Variants in MANBA observed in about 807,000 individuals in gnomAD.
The protein encoded by MANBA is beta-mannosidase.
MANBA carries 83 observed loss-of-function variants against 111.1 expected under a neutral mutation model. The observed-to-expected ratio is 0.75, with a 90% confidence interval of 0.63 to 0.90. The LOEUF (loss-of-function observed/expected upper bound fraction) is 0.90, where lower values mean the gene tolerates loss of function less well. Among genes scored for constraint, MANBA ranks in the 40% least tolerant of loss-of-function variants. The pLI is 0.00. For synonymous variants in MANBA, 370 were observed against 378.7 expected (o/e 0.98, Z 0.27); for missense variants, 1,036 against 1,069.0 (o/e 0.97, Z 0.43).
intron 13 of MANBA, among the ~76,000 whole-genome samples, chr4:102,645,969 A>G (rs1169247974): frequency 6.6e-6 from 1 of 152,156 alleles, no homozygotes; most frequent in Non-Finnish European, 1.5e-5. Flanking sequence ...GAAGGGATAG[A>G]ATATTACAGT....
chr4:102,675,566 AG>A (rs1306665289), intron 7 of MANBA, among the ~76,000 whole-genome samples: 2 of 152,232 alleles, frequency 1.3e-5, no homozygotes, highest in Non-Finnish European at 2.9e-5. Flanking sequence ...CAACCTACAC[AG>A]GAGCACAAAA....
chr4:102,716,820 A>T lies in MANBA; in HGVS notation c.550-2259T>A, dbSNP rs535490953. ...TAGATGGAGTCATTTGTGAAATAGA[A>T]CCTGAAGATTTGGCCAAACTGTTGT... On this transcript the variant is annotated intron_variant, in intron 4 of 16. Coordinates refer to ENST00000647097, the MANE Select transcript of MANBA (RefSeq NM_005908.4). Among the ~76,000 whole-genome samples the T allele has an allele frequency of 5.9e-5, 9 of 152,294 alleles. No homozygotes were observed. In the South Asian group the frequency reaches 1.9e-3, roughly 32 times the overall value.
At position 102,726,593 on chromosome 4, in the gene MANBA, T is replaced by G. The variant is rs1722813604; in HGVS notation, c.268A>C (p.Ile90Leu). ...YSKEFKIPFE[I>L]SKWQKVNLIL... ...TACACCCACAAACATACATACCTAATTTCAAAGGGGATTTTAAATTCTTTG... is the reference window on the plus strand; with the variant it reads ...TACACCCACAAACATACATACCTAAGTTCAAAGGGGATTTTAAATTCTTTG... Residue 90 changes from isoleucine to leucine, a missense_variant, in exon 2 of 17, where the codon ATT (isoleucine) becomes CTT (leucine). Transcript: ENST00000647097. 2 of 1,494,578 alleles carry G rather than the reference T, an allele frequency of 1.3e-6. No individual in the cohort carries two copies. The highest frequency in any genetic ancestry group is 2.3e-5 in the South Asian group (2 of 87,386). The allele number at this position is 1,494,578 out of a possible 1,614,324, so 92.6% of individuals were successfully genotyped here. A position where few individuals can be genotyped will look rare whatever the true frequency, so the allele number is the denominator to read the frequency against.
intron 1 of MANBA, among the ~76,000 whole-genome samples, chr4:102,745,866 C>G (rs964749126): frequency 6.6e-6 from 1 of 152,158 alleles, no homozygotes; most frequent in African/African-American, 2.4e-5. Context: ...CAGTTCTTTT[C>G]TAGTGTAGCA....
At chr4:102,759,059 T>A (rs1047840947) in intron 1 of MANBA, among the ~76,000 whole-genome samples, 1 of 152,244 alleles carries the variant, frequency 6.6e-6, no homozygotes, top group African/African-American at 2.4e-5. Flanking sequence ...TTTCTTAGCT[T>A]CTTAGCTCTG....
intron 4 of MANBA, among the ~76,000 whole-genome samples, chr4:102,720,735 A>G (rs1366133744): frequency 6.6e-6 from 1 of 152,224 alleles, no homozygotes; most frequent in Non-Finnish European, 1.5e-5. Context: ...CAAATATTCC[A>G]TGGAATACTT....
rs185679046 is a variant in MANBA at position 102,738,740 on chromosome 4, C to A, written c.178-12057G>T. ...TCACACTAGCTCTCCAGCAATGGAT[C>A]GAACCAAGAAGAAATCTCTGAACTG... On this transcript the variant is annotated intron_variant, in intron 1 of 16. Transcript: ENST00000647097. Among the ~76,000 whole-genome samples, 197 of 152,222 alleles carry A rather than the reference C, an allele frequency of 1.3e-3. 1 individual carries two copies. The highest frequency in any genetic ancestry group is 1.7e-3 in the Non-Finnish European group (114 of 68,022).
At position 102,632,021 on chromosome 4, in the gene MANBA, T is replaced by C. The variant is rs375832498; in HGVS notation, c.*36A>G. ...CAGTCGGTGCTTTAGAAATGCTTTATTCCCATTGTCCACTGAAAATACAAC... is the reference window on the plus strand; with the variant it reads ...CAGTCGGTGCTTTAGAAATGCTTTACTCCCATTGTCCACTGAAAATACAAC... On this transcript the variant is annotated 3_prime_UTR_variant, in exon 17 of 17. Transcript: ENST00000647097. 2.1e-5 allele frequency: 31 copies of C among 1,508,432 alleles called. No homozygotes were observed. The highest frequency in any genetic ancestry group is 2.6e-5 in the Non-Finnish European group (28 of 1,085,548). 93.4% of individuals were successfully genotyped at this position (1,508,432 alleles called of 1,614,324 possible). A position where few individuals can be genotyped will look rare whatever the true frequency, so the allele number is the denominator to read the frequency against.
Position 102,690,687 on chromosome 4 carries a change from A to G in MANBA, c.758T>C (p.Val253Ala). The change falls in exon 6 of 17, where the codon GTA (valine) becomes GCA (alanine). Residue 253 changes from valine to alanine, a missense_variant. By Grantham distance (64) the Val-to-Ala change is moderately conservative. Transcript: ENST00000647097. Reference protein sequence around the residue: ...SSKPVGGQVIVAIPKLQTQQT... With the variant: ...SSKPVGGQVIAAIPKLQTQQT... ...TTGTGTTTGCAACTTAGGGATGGCT[A>G]CGATCACTTGACCACCAACTGGCTT... 1 of 1,611,442 alleles carries G rather than the reference A, an allele frequency of 6.2e-7. No homozygotes were observed. Among genetic ancestry groups the G allele is most frequent in the Non-Finnish European group, 8.5e-7 (1 of 1,178,096 alleles).
At chr4:102,730,692 C>T in intron 1 of MANBA, 1 of 536,240 alleles carries the variant, frequency 1.9e-6, no homozygotes, top group Non-Finnish European at 3.8e-6. Context: ...GTAATACCTT[C>T]ATGAACGCTC....
At position 102,674,028 on chromosome 4, in the gene MANBA, C is replaced by A; in HGVS notation, c.1003G>T (p.Gly335Trp). Residue 335 changes from glycine (G) to tryptophan (W), a missense_variant, in exon 8 of 17, where the codon GGG (glycine) becomes TGG (tryptophan). Coordinates refer to ENST00000647097, the MANE Select transcript of MANBA (RefSeq NM_005908.4). ...AAATAGAAACTCAAACCAGGAGACC[C>A]TTTTATAGGCTCTTCTATAAGTTCC... ...TVELIEEPIKGSPGLSFYFKI... is the reference protein window; with the variant it reads ...TVELIEEPIKWSPGLSFYFKI... 6.2e-7 allele frequency: 1 copy of A among 1,603,436 alleles called. No homozygotes were observed. The highest frequency in any genetic ancestry group is 8.5e-7 in the Non-Finnish European group (1 of 1,170,340).
At chr4:102,697,919 T>C (rs1732807552) in intron 5 of MANBA, among the ~76,000 whole-genome samples, 1 of 152,028 alleles carries the variant, frequency 6.6e-6, no homozygotes, top group Admixed American at 6.6e-5. Flanking sequence ...TCTAGATCCC[T>C]GAGGAATCGC....
At chr4:102,693,031 G>C (rs1420214929) in intron 5 of MANBA, among the ~76,000 whole-genome samples, 1 of 152,158 alleles carries the variant, frequency 6.6e-6, no homozygotes, top group Non-Finnish European at 1.5e-5. Context: ...GCACATTGAA[G>C]TAAAATTAAT....
At chr4:102,704,538 A>T (rs1224460242) in intron 5 of MANBA, among the ~76,000 whole-genome samples, 1 of 151,830 alleles carries the variant, frequency 6.6e-6, no homozygotes, top group Non-Finnish European at 1.5e-5. Flanking sequence ...ATTTTAAATA[A>T]AAATTATATG....
At chr4:102,756,847 C>A (rs1197523384) in intron 1 of MANBA, among the ~76,000 whole-genome samples, 1 of 148,100 alleles carries the variant, frequency 6.8e-6, no homozygotes, top group Non-Finnish European at 1.5e-5. Context: ...AAACTTACAC[C>A]AGTGAGAAAT....
chr4:102,735,067 C>T (rs934858912), intron 1 of MANBA, among the ~76,000 whole-genome samples: 1 of 152,116 alleles, frequency 6.6e-6, no homozygotes, highest in African/African-American at 2.4e-5. Flanking sequence ...GCTGTGTAGA[C>T]AGAGCCAGGC....
At chr4:102,663,122 C>A (rs143500757) in intron 11 of MANBA, 52 of 151,968 alleles carry the variant, frequency 3.4e-4, no homozygotes, top group African/African-American at 1.1e-3. Flanking sequence ...AAAAATATTT[C>A]TTTTCATTAA....
At chr4:102,690,792 GAA>G in intron 5 of MANBA, 21 bp from the exon 6 acceptor site, 1 of 923,648 alleles carries the variant, frequency 1.1e-6, no homozygotes, top group Non-Finnish European at 1.5e-6. Context: ...AAAAGAAAAA[GAA>G]ATATATATAT....
At chr4:102,740,865 G>GA (rs1316878079) in intron 1 of MANBA, among the ~76,000 whole-genome samples, 2 of 151,810 alleles carry the variant, frequency 1.3e-5, no homozygotes, top group Non-Finnish European at 2.9e-5. Context: ...GATAACATCA[G>GA]AAAAACTCTT....
Sources: gnomAD v4.1 joint callset for allele counts (sites outside exome capture counted in the v4.1 genomes callset) on GRCh38, gnomAD v4.1.1 for gene constraint, MANE v1.5 for transcripts, NCBI Gene and HGNC (gene_info 2026-07-23, HGNC 2026-07-21) for gene names.